The following SPPL3 variants were observed in gnomAD, a reference collection of about 807,000 sequenced individuals.
The protein encoded by SPPL3 is signal peptide peptidase-like 3.
Under a neutral mutation model 42.4 loss-of-function variants are expected in SPPL3, and 5 were observed. That is an observed-to-expected ratio of 0.12 (90% confidence interval 0.06 to 0.25). The LOEUF (loss-of-function observed/expected upper bound fraction) is 0.25, where lower values mean the gene tolerates loss of function less well. Among genes scored for constraint, SPPL3 ranks in the 10% least tolerant of loss-of-function variants. The pLI, the probability that SPPL3 is intolerant of heterozygous loss-of-function variation, is 1.00. For synonymous variants in SPPL3, 195 were observed against 181.8 expected (o/e 1.07, Z -0.58); for missense variants, 235 against 489.0 (o/e 0.48, Z 4.90).
At chr12:120,812,807 C>T (rs1592975205) in intron 1 of SPPL3, among the ~76,000 whole-genome samples, 1 of 152,330 alleles carries the variant, frequency 6.6e-6, no homozygotes, top group African/African-American at 2.4e-5. Flanking sequence ...TAAGCTTCAG[C>T]TTTTCATCTG....
chr12:120,802,371 ATATATATG>A (rs972681772), intron 2 of SPPL3, among the ~76,000 whole-genome samples: 1 of 142,196 alleles, frequency 7.0e-6, no homozygotes, highest in Non-Finnish European at 1.5e-5. Flanking sequence ...ATATATATAC[ATATATATG>A]TATATATATA....
intron 2 of SPPL3, among the ~76,000 whole-genome samples, chr12:120,802,426 T>C (rs1365011726): frequency 7.9e-6 from 1 of 126,320 alleles, no homozygotes; most frequent in East Asian, 2.1e-4. Context: ...TATATATATA[T>C]ATATATTTTT....
chr12:120,809,479 AT>A (rs1187573122), intron 2 of SPPL3, among the ~76,000 whole-genome samples: 1 of 152,246 alleles, frequency 6.6e-6, no homozygotes, highest in Non-Finnish European at 1.5e-5. Context: ...AAATTCAGAT[AT>A]AACACTGCAT....
chr12:120,880,422 T>C (rs1386654777), intron 1 of SPPL3, among the ~76,000 whole-genome samples: 1 of 151,996 alleles, frequency 6.6e-6, no homozygotes, highest in Non-Finnish European at 1.5e-5. Flanking sequence ...TTGAACCTTA[T>C]CAAAAGTAAA....
At chr12:120,844,341 AAT>A (rs1458198066) in intron 1 of SPPL3, among the ~76,000 whole-genome samples, 4 of 152,252 alleles carry the variant, frequency 2.6e-5, no homozygotes, top group Non-Finnish European at 4.4e-5. Flanking sequence ...ACACTACTGC[AAT>A]AGTCTCCTAA....
intron 3 of SPPL3, among the ~76,000 whole-genome samples, chr12:120,788,845 T>C (rs1869809732): frequency 6.6e-6 from 1 of 152,214 alleles, no homozygotes; most frequent in Non-Finnish European, 1.5e-5. Flanking sequence ...TTGTTAATCA[T>C]CCAGGACTTC....
intron 6 of SPPL3, among the ~76,000 whole-genome samples, chr12:120,771,338 C>A (rs947551926): frequency 6.6e-6 from 1 of 152,198 alleles, no homozygotes; most frequent in Non-Finnish European, 1.5e-5. Context: ...GCCGCCGCTT[C>A]GGCCACGCCG....
intron 1 of SPPL3, among the ~76,000 whole-genome samples, chr12:120,816,235 AAAT>A (rs1296362175): frequency 7.2e-5 from 11 of 152,182 alleles, no homozygotes; most frequent in Non-Finnish European, 1.6e-4. Context: ...CTGCAGAACT[AAAT>A]GCCTGATTTC....
intron 1 of SPPL3, among the ~76,000 whole-genome samples, chr12:120,834,186 T>C (rs1322383634): frequency 6.6e-6 from 1 of 152,218 alleles, no homozygotes; most frequent in Non-Finnish European, 1.5e-5. Context: ...ATTTTAAGTC[T>C]TCAGTTTATA....
intron 1 of SPPL3, among the ~76,000 whole-genome samples, chr12:120,833,493 G>A (rs562233098): frequency 6.6e-6 from 1 of 152,168 alleles, no homozygotes; most frequent in African/African-American, 2.4e-5. Flanking sequence ...GAGACATGTA[G>A]GAATGAAGCT....
intron 1 of SPPL3, among the ~76,000 whole-genome samples, chr12:120,820,124 C>G (rs1178124929): frequency 6.6e-6 from 1 of 152,088 alleles, no homozygotes; most frequent in Non-Finnish European, 1.5e-5. Flanking sequence ...CTGCTAACAC[C>G]TTCTCACATG....
chr12:120,793,463 A>G (rs994137143), intron 2 of SPPL3, among the ~76,000 whole-genome samples: 2 of 152,240 alleles, frequency 1.3e-5, no homozygotes, highest in African/African-American at 4.8e-5. Flanking sequence ...AGCCTGAGCA[A>G]CAAAGTGAGA....
chr12:120,780,869 C>T lies in SPPL3; in HGVS notation c.502+1786G>A, dbSNP rs574237871. Among the ~76,000 whole-genome samples the T allele has an allele frequency of 5.3e-5, 8 of 152,000 alleles. No homozygotes were observed. In the East Asian group the frequency reaches 1.4e-3, roughly 26 times the overall value. Reference sequence around the variant, plus strand: ...AGGCTGCAGCGAGCCAAGATCACACCATTGCACTCCAGCCTGGGCAACAAA... The same window carrying T: ...AGGCTGCAGCGAGCCAAGATCACACTATTGCACTCCAGCCTGGGCAACAAA... On this transcript the variant is annotated intron_variant, in intron 6 of 10. Coordinates refer to ENST00000353487, the MANE Select transcript of SPPL3 (RefSeq NM_139015.5).
chr12:120,805,465 G>T (rs542246089), intron 2 of SPPL3, among the ~76,000 whole-genome samples: 2 of 152,280 alleles, frequency 1.3e-5, no homozygotes, highest in Non-Finnish European at 2.9e-5. Flanking sequence ...TTAGGAACAG[G>T]GCAAGGATGG....
chr12:120,824,728 G>A (rs1871185704), intron 1 of SPPL3, among the ~76,000 whole-genome samples: 1 of 152,020 alleles, frequency 6.6e-6, no homozygotes. Context: ...TGTAGAGATG[G>A]GGTTTTGCCA....
At chr12:120,857,622 C>A (rs1872502845) in intron 1 of SPPL3, among the ~76,000 whole-genome samples, 1 of 152,158 alleles carries the variant, frequency 6.6e-6, no homozygotes. Context: ...GGTACATATA[C>A]ACTACTATGC....
rs550877248 is a variant in SPPL3, at chr12:120,764,629, T to C, written c.*370A>G. ...TTCGGTTTGCTAATTTTTTTCATCCTTTTAGTGTTCAAAAGTTCTAGAAAG... is the reference window on the plus strand; with the variant it reads ...TTCGGTTTGCTAATTTTTTTCATCCCTTTAGTGTTCAAAAGTTCTAGAAAG... On this transcript the variant is annotated 3_prime_UTR_variant, in exon 11 of 11. Coordinates refer to ENST00000353487, the MANE Select transcript of SPPL3 (RefSeq NM_139015.5). The C allele has an allele frequency of 8.2e-4, 308 of 377,762 alleles. 3 individuals are homozygous for C. The highest frequency in any genetic ancestry group is 1.8e-4 in the Non-Finnish European group (39 of 213,416). 23.4% of individuals were successfully genotyped at this position (377,762 alleles called of 1,614,324 possible).
chr12:120,836,182 G>A (rs1340362735), intron 1 of SPPL3, among the ~76,000 whole-genome samples: 2 of 151,902 alleles, frequency 1.3e-5, no homozygotes, highest in Non-Finnish European at 2.9e-5. Context: ...CCAAGAAGGG[G>A]AGTCTATTTC....
rs74334813 is a variant in SPPL3 at position 120,882,271 on chromosome 12, G to C, written c.23+21574C>G. 3.4e-3 allele frequency among the ~76,000 whole-genome samples: 516 copies of C among 152,220 alleles called. 5 individuals are homozygous for C. Among genetic ancestry groups the C allele is most frequent in the African/African-American group, 0.012 (499 of 41,470 alleles). On this transcript the variant is annotated intron_variant, in intron 1 of 10. Transcript: ENST00000353487. The stretch of plus-strand genomic sequence containing the variant: ...TCAAGGTATCCACTGGGAGTCTTGG[G>C]ATGTGGATAAGAGGGGACTACTGTA...
Sources: allele counts gnomAD v4.1 joint callset (sites outside exome capture counted in the v4.1 genomes callset), GRCh38; gene constraint gnomAD v4.1.1; transcripts MANE v1.5; gene names NCBI Gene and HGNC (gene_info 2026-07-23, HGNC 2026-07-21).